Variants in NR3C2 observed in about 807,000 individuals in gnomAD.
NR3C2 encodes mineralocorticoid receptor.
In NR3C2, 15 loss-of-function variants were observed where a neutral mutation model predicts 86.4. The ratio of observed to expected loss-of-function variants is 0.17; its 90% confidence interval spans 0.12 to 0.27. The LOEUF is 0.27. Among genes scored for constraint, NR3C2 ranks in the 10% least tolerant of loss-of-function variants. The pLI is 1.00. For missense variants in NR3C2, 960 were observed against 1,195.6 expected, an observed-to-expected ratio of 0.80 and a Z score of 2.91; for synonymous variants, 458 against 450.5, an observed-to-expected ratio of 1.02 and a Z score of -0.21.
chr4:148,255,843 A>T (rs941472540), intron 3 of NR3C2, among the ~76,000 whole-genome samples: 5 of 152,224 alleles, frequency 3.3e-5, no homozygotes, highest in Admixed American at 6.5e-5. Flanking sequence ...CAAAAATGAG[A>T]AATTACAGAT....
chr4:148,198,321 T>A (rs1312139958), intron 3 of NR3C2, among the ~76,000 whole-genome samples: 1 of 152,208 alleles, frequency 6.6e-6, no homozygotes, highest in Non-Finnish European at 1.5e-5. Context: ...AAATTGTCTT[T>A]TACAATTTTC....
intron 3 of NR3C2, among the ~76,000 whole-genome samples, chr4:148,198,350 A>G (rs1161045076): frequency 6.6e-6 from 1 of 152,224 alleles, no homozygotes; most frequent in Non-Finnish European, 1.5e-5. Flanking sequence ...TGAAATCAAG[A>G]AGCAACTTTT....
At chr4:148,152,014 C>T (rs1159934098) in intron 6 of NR3C2, among the ~76,000 whole-genome samples, 3 of 152,104 alleles carry the variant, frequency 2.0e-5, no homozygotes, top group African/African-American at 7.2e-5. Flanking sequence ...AGGGTAATTA[C>T]GATTGTCATG....
intron 3 of NR3C2, among the ~76,000 whole-genome samples, chr4:148,199,903 T>C (rs944145884): frequency 1.3e-5 from 2 of 152,322 alleles, no homozygotes; most frequent in African/African-American, 2.4e-5. Flanking sequence ...AGATATATCA[T>C]GTGTTCTTGA....
At chr4:148,336,738 G>A (rs1177849379) in intron 2 of NR3C2, among the ~76,000 whole-genome samples, 4 of 152,250 alleles carry the variant, frequency 2.6e-5, no homozygotes, top group African/African-American at 9.6e-5. Context: ...AGAATCATAT[G>A]TATTACCTAA....
chr4:148,255,190 C>A (rs560120534), intron 3 of NR3C2, among the ~76,000 whole-genome samples: 1 of 152,194 alleles, frequency 6.6e-6, no homozygotes, highest in African/African-American at 2.4e-5. Context: ...CACAGTGAAA[C>A]ACACTTTCCT....
intron 3 of NR3C2, 79 bp downstream of exon 3, chr4:148,259,899 A>G: frequency 6.4e-7 from 1 of 1,554,430 alleles, no homozygotes; most frequent in South Asian, 1.1e-5. Flanking sequence ...AATTCCCAAT[A>G]ATGCTATAGC....
upstream of NR3C2, among the ~76,000 whole-genome samples, chr4:148,443,238 AAAAAAAAAAAAAAAAAG>A (rs948125412): frequency 9.6e-5 from 12 of 124,824 alleles, no homozygotes; most frequent in African/African-American, 3.1e-4. Context: ...AAAAAAAAAA[AAAAAAAAAAAAAAAAAG>A]AGAGAGAGAG....
At chr4:148,108,305 G>T (rs1177050705) in intron 8 of NR3C2, among the ~76,000 whole-genome samples, 5 of 152,126 alleles carry the variant, frequency 3.3e-5, no homozygotes, top group Non-Finnish European at 5.9e-5. Context: ...GTTTCACCAT[G>T]TTGGCTGGGC....
chr4:148,212,551 T>C (rs954273596), intron 3 of NR3C2, among the ~76,000 whole-genome samples: 1 of 152,198 alleles, frequency 6.6e-6, no homozygotes, highest in Admixed American at 6.5e-5. Flanking sequence ...CCTAGCAGAG[T>C]AGTAGAAGTT....
chr4:148,152,851 A>G (rs533712911), intron 5 of NR3C2, among the ~76,000 whole-genome samples: 10 of 152,320 alleles, frequency 6.6e-5, no homozygotes, highest in Admixed American at 5.9e-4. Flanking sequence ...GGCAAACTAA[A>G]ATTGCAAAGT....
chr4:148,212,792 AC>A (rs1274443306), intron 3 of NR3C2, among the ~76,000 whole-genome samples: 1 of 152,248 alleles, frequency 6.6e-6, no homozygotes, highest in Non-Finnish European at 1.5e-5. Flanking sequence ...TTGTGATAAA[AC>A]AAAAGTAGTT....
At chr4:148,265,548 T>A (rs915637260) in intron 2 of NR3C2, among the ~76,000 whole-genome samples, 1 of 152,228 alleles carries the variant, frequency 6.6e-6, no homozygotes, top group African/African-American at 2.4e-5. Flanking sequence ...TGATCCACTT[T>A]CAGTGATTAG....
At chr4:148,195,020 T>C (rs948294598) in intron 3 of NR3C2, among the ~76,000 whole-genome samples, 158 bp from the exon 4 acceptor site, 2 of 152,224 alleles carry the variant, frequency 1.3e-5, no homozygotes, top group Non-Finnish European at 2.9e-5. Context: ...GAGGAGGAGA[T>C]GGTCAGCTTA....
At chr4:148,305,093 T>A (rs1376618526) in intron 2 of NR3C2, among the ~76,000 whole-genome samples, 2 of 152,092 alleles carry the variant, frequency 1.3e-5, no homozygotes, top group Non-Finnish European at 2.9e-5. Context: ...AAAAACTTAA[T>A]CATTTGCAAA....
chr4:148,238,764 T>A lies in NR3C2; in HGVS notation c.1897+21214A>T, dbSNP rs72653895. ...AGACTAAAGCCTAAACAAGATAGAGTCCCTCTCTGCTTTCAGGGGTCTGGT... is the reference window on the plus strand; with the variant it reads ...AGACTAAAGCCTAAACAAGATAGAGACCCTCTCTGCTTTCAGGGGTCTGGT... On this transcript the variant is annotated intron_variant, in intron 3 of 8. Coordinates refer to ENST00000358102, the MANE Select transcript of NR3C2 (RefSeq NM_000901.5). Among the ~76,000 whole-genome samples, 168 of 152,142 alleles carry A rather than the reference T, an allele frequency of 1.1e-3. 1 individual carries two copies. The highest frequency in any genetic ancestry group is 3.9e-3 in the African/African-American group (163 of 41,502).
At chr4:148,219,110 C>CA in intron 3 of NR3C2, among the ~76,000 whole-genome samples, 1 of 152,234 alleles carries the variant, frequency 6.6e-6, no homozygotes, top group Admixed American at 6.5e-5. Context: ...ATAACCTCAC[C>CA]AAAACTTAGT....
intron 3 of NR3C2, among the ~76,000 whole-genome samples, chr4:148,248,740 AC>A (rs903620213): frequency 3.3e-5 from 5 of 152,186 alleles, no homozygotes; most frequent in African/African-American, 1.2e-4. Context: ...TGCAATTTTT[AC>A]TTTTTCCCCT....
chr4:148,366,227 G>T (rs944468132), intron 2 of NR3C2, among the ~76,000 whole-genome samples: 1 of 151,920 alleles, frequency 6.6e-6, no homozygotes, highest in Non-Finnish European at 1.5e-5. Flanking sequence ...CCACATACAA[G>T]GATATTAACA....
Sources: allele counts gnomAD v4.1 joint callset (sites outside exome capture counted in the v4.1 genomes callset), GRCh38; gene constraint gnomAD v4.1.1; transcripts MANE v1.5; gene names NCBI Gene and HGNC (gene_info 2026-07-23, HGNC 2026-07-21).